The following BAZ1A variants were observed in gnomAD, a reference collection of about 807,000 sequenced individuals.
BAZ1A encodes bromodomain adjacent to zinc finger domain protein 1A.
BAZ1A carries 50 observed loss-of-function variants against 185.2 expected under a neutral mutation model. The ratio of observed to expected loss-of-function variants is 0.27; its 90% CI spans 0.22 to 0.34. The LOEUF (loss-of-function observed/expected upper bound fraction) is 0.34, where lower values mean the gene tolerates loss of function less well. Ranked by LOEUF, BAZ1A falls within the 10% of genes least tolerant of loss-of-function variation. BAZ1A has a pLI of 1.00. For missense variants in BAZ1A, 1,356 were observed against 1,839.9 expected (o/e 0.74, Z 4.81); for synonymous variants, 571 against 615.6 (o/e 0.93, Z 1.07).
chr14:34,806,541 T>C (rs1271852984), intron 6 of BAZ1A, among the ~76,000 whole-genome samples: 1 of 152,090 alleles, frequency 6.6e-6, no homozygotes, highest in African/African-American at 2.4e-5. Flanking sequence ...CTCCATTCTA[T>C]TGCTTTTTTC....
At chr14:34,754,939 G>GTCCAC in intron 25 of BAZ1A, 25 bp from the exon 26 acceptor site, 1 of 1,528,816 alleles carries the variant, frequency 6.5e-7, no homozygotes. Flanking sequence ...AAATATCTCT[G>GTCCAC]TCCACACAGA....
chr14:34,838,377 T>G (rs1363224672), intron 3 of BAZ1A, among the ~76,000 whole-genome samples: 3 of 152,210 alleles, frequency 2.0e-5, no homozygotes, highest in Non-Finnish European at 2.9e-5. Context: ...GTCGTATCTG[T>G]TTCAGAAAAT....
intron 6 of BAZ1A, among the ~76,000 whole-genome samples, chr14:34,805,767 T>A (rs1342989706): frequency 6.6e-6 from 1 of 152,224 alleles, no homozygotes; most frequent in East Asian, 1.9e-4. Flanking sequence ...TTTAGTCATA[T>A]CTATTTGACC....
chr14:34,767,546 T>A (rs1878932611), intron 21 of BAZ1A, among the ~76,000 whole-genome samples: 1 of 147,860 alleles, frequency 6.8e-6, no homozygotes, highest in East Asian at 1.9e-4. Context: ...TGTCTCAAAA[T>A]ATATATATAT....
At chr14:34,823,082 G>C (rs538386358) in intron 4 of BAZ1A, among the ~76,000 whole-genome samples, 12 of 152,278 alleles carry the variant, frequency 7.9e-5, no homozygotes, top group Non-Finnish European at 1.8e-4. Flanking sequence ...GGCTGGGCAT[G>C]GTGGCTCACG....
At chr14:34,763,922 G>C (rs1256355126) in intron 23 of BAZ1A, among the ~76,000 whole-genome samples, 1 of 152,078 alleles carries the variant, frequency 6.6e-6, no homozygotes, top group East Asian at 1.9e-4. Context: ...GTATCTTTGA[G>C]GTAAGCCTGT....
At position 34,802,847 on chromosome 14, in the gene BAZ1A, T is replaced by C; in HGVS notation, c.861+7A>G. On this transcript the variant is annotated splice_region_variant and intron_variant, in intron 7 of 26. Transcript: ENST00000360310. ...GAAAATGTAGTTTTAATCAATTCTGTACTTACTTGACTAATATGTATTCGT... is the reference window on the plus strand; with the variant it reads ...GAAAATGTAGTTTTAATCAATTCTGCACTTACTTGACTAATATGTATTCGT... 1 of 1,610,940 alleles carries C rather than the reference T, an allele frequency of 6.2e-7. No homozygotes were observed. Among genetic ancestry groups the C allele is most frequent in the Non-Finnish European group, 8.5e-7 (1 of 1,178,336 alleles).
At chr14:34,775,849 G>A (rs750158646) in intron 18 of BAZ1A, 70 bp downstream of exon 18, 47 of 1,295,180 alleles carry the variant, frequency 3.6e-5, no homozygotes, top group Admixed American at 4.5e-5. Context: ...TTGCAAAAAC[G>A]CTTAATCCTG....
intron 21 of BAZ1A, among the ~76,000 whole-genome samples, chr14:34,767,182 C>T (rs1001519764): frequency 1.3e-5 from 2 of 152,286 alleles, no homozygotes; most frequent in Non-Finnish European, 1.5e-5. Context: ...TATAAACCAG[C>T]TAGATTTTAT....
intron 2 of BAZ1A, among the ~76,000 whole-genome samples, chr14:34,868,657 T>C (rs1953476886): frequency 6.6e-6 from 1 of 151,766 alleles, no homozygotes; most frequent in South Asian, 2.1e-4. Context: ...AAAAATTAGC[T>C]GGGCACGGTG....
At chr14:34,844,767 ACACACACGCG>A (rs1433583990) in intron 3 of BAZ1A, among the ~76,000 whole-genome samples, 12 of 45,282 alleles carry the variant, frequency 2.7e-4, no homozygotes, top group Non-Finnish European at 4.6e-4. Flanking sequence ...AAACACACAC[ACACACACGCG>A]CACACACACA....
rs754056065 is a variant in BAZ1A at position 34,783,890 on chromosome 14, C to T, written c.1869G>A (p.Lys623=). The change falls in exon 15 of 27, where the codon AAG becomes AAA. Residue 623 remains lysine, a synonymous_variant. Coordinates refer to ENST00000360310, the MANE Select transcript of BAZ1A (RefSeq NM_013448.3). Reference sequence around the variant, plus strand: ...CCCTAGTTGAAACTAGGGTCAGTAGCTTTCCACAGAGAGCATGGAGTATCT... The same window carrying T: ...CCCTAGTTGAAACTAGGGTCAGTAGTTTTCCACAGAGAGCATGGAGTATCT... ...KMKILHALCG[K]LLTLVSTRDF... is the part of the protein sequence containing the mutation. The T allele has an allele frequency of 1.9e-6, 3 of 1,611,404 alleles. No individual in the cohort carries two copies. Among genetic ancestry groups the T allele is most frequent in the East Asian group, 2.2e-5 (1 of 44,744 alleles).
At chr14:34,784,993 C>T (rs1296891226) in intron 14 of BAZ1A, among the ~76,000 whole-genome samples, 1 of 152,112 alleles carries the variant, frequency 6.6e-6, no homozygotes, top group Non-Finnish European at 1.5e-5. Context: ...GTAGCTGGGA[C>T]TACAGGTGCA....
At chr14:34,808,211 A>G (rs1034310611) in intron 5 of BAZ1A, among the ~76,000 whole-genome samples, 2 of 151,280 alleles carry the variant, frequency 1.3e-5, no homozygotes, top group African/African-American at 2.4e-5. Flanking sequence ...AATTAAAATC[A>G]GGCCAGGCAC....
intron 3 of BAZ1A, among the ~76,000 whole-genome samples, chr14:34,846,520 T>G (rs1485083700): frequency 2.0e-5 from 3 of 152,222 alleles, no homozygotes; most frequent in Admixed American, 6.5e-5. Context: ...CATAAAGCAG[T>G]TGAGTCCATG....
chr14:34,773,163 G>A (rs529411056), intron 20 of BAZ1A, among the ~76,000 whole-genome samples: 4 of 152,072 alleles, frequency 2.6e-5, no homozygotes, highest in Admixed American at 6.6e-5. Context: ...TCCTGCTTCC[G>A]CCTCCCGAGC....
At chr14:34,816,044 C>G (rs1283200795) in intron 4 of BAZ1A, among the ~76,000 whole-genome samples, 2 of 138,832 alleles carry the variant, frequency 1.4e-5, no homozygotes, top group Non-Finnish European at 3.1e-5. Flanking sequence ...CATCAAAGTA[C>G]ATATATTTTG....
At chr14:34,794,636 A>T in intron 11 of BAZ1A, 113 bp downstream of exon 11, 1 of 1,072,682 alleles carries the variant, frequency 9.3e-7, no homozygotes, top group Non-Finnish European at 1.3e-6. Context: ...TAGCCAGACC[A>T]GAGAGATCCC....
chr14:34,862,779 T>C (rs1168326479), intron 2 of BAZ1A, among the ~76,000 whole-genome samples: 1 of 111,798 alleles, frequency 8.9e-6, no homozygotes, highest in African/African-American at 2.9e-5. Context: ...ATCTCATTTG[T>C]GTTATAAAAA....
Sources: gnomAD v4.1 joint callset for allele counts (sites outside exome capture counted in the v4.1 genomes callset) on GRCh38, gnomAD v4.1.1 for gene constraint, MANE v1.5 for transcripts, NCBI Gene and HGNC (gene_info 2026-07-23, HGNC 2026-07-21) for gene names.